Variants in BRAF observed in about 807,000 individuals in gnomAD.
BRAF encodes B-Raf proto-oncogene, serine/threonine kinase.
BRAF carries 16 observed loss-of-function variants against 104.6 expected under a neutral mutation model. The ratio of observed to expected loss-of-function variants is 0.15; its 90% confidence interval spans 0.10 to 0.23. BRAF has a LOEUF of 0.23. Ranked by LOEUF, BRAF falls within the 10% of genes least tolerant of loss-of-function variation. The pLI, the probability that BRAF is intolerant of heterozygous loss-of-function variation, is 1.00. For synonymous variants in BRAF, 310 were observed against 341.6 expected, an observed-to-expected ratio of 0.91 and a Z score of 1.02; for missense variants, 541 against 937.3, an observed-to-expected ratio of 0.58 and a Z score of 5.52.
At chr7:140,854,251 T>G (rs1169733185) in intron 1 of BRAF, among the ~76,000 whole-genome samples, 1 of 152,230 alleles carries the variant, frequency 6.6e-6, no homozygotes, top group African/African-American at 2.4e-5. Context: ...GTTTTCTAAG[T>G]CATAATTTGA....
At chr7:140,829,203 G>A (rs1428468170) in intron 3 of BRAF, among the ~76,000 whole-genome samples, 2 of 148,942 alleles carry the variant, frequency 1.3e-5, no homozygotes, top group African/African-American at 4.9e-5. Flanking sequence ...TTTTTGTGGG[G>A]GGGGGCATAC....
At chr7:140,736,276 C>T (rs1796421431) in intron 18 of BRAF, among the ~76,000 whole-genome samples, 1 of 150,892 alleles carries the variant, frequency 6.6e-6, no homozygotes, top group South Asian at 2.1e-4. Context: ...ACCATTTTGC[C>T]CAGGCTGGTC....
At chr7:140,871,112 C>A (rs536474385) in intron 1 of BRAF, among the ~76,000 whole-genome samples, 6 of 149,854 alleles carry the variant, frequency 4.0e-5, no homozygotes, top group Admixed American at 1.3e-4. Context: ...CATGGTGACA[C>A]GTGCCTGTAG....
At chr7:140,839,919 T>C (rs1807756163) in intron 2 of BRAF, among the ~76,000 whole-genome samples, 1 of 152,106 alleles carries the variant, frequency 6.6e-6, no homozygotes, top group Admixed American at 6.5e-5. Flanking sequence ...CTGCTAGAGT[T>C]TTCAGCCACC....
In BRAF at chr7:140,725,087, A is replaced by C. The variant is rs1795526675; in HGVS notation, c.*1407T>G. ...TTCTCTGTCTGGGAATTCAGCTGCC[A>C]AATTGCCCAACCTTTTGAAGACCAG... On this transcript the variant is annotated 3_prime_UTR_variant, in exon 20 of 20. Coordinates refer to ENST00000644969, the MANE Select transcript of BRAF (RefSeq NM_001374258.1). The C allele has an allele frequency of 9.6e-7, 1 of 1,045,106 alleles. No homozygotes were observed. 64.7% of individuals were successfully genotyped at this position (1,045,106 alleles called of 1,614,324 possible). A position where few individuals can be genotyped will look rare whatever the true frequency, so the allele number is the denominator to read the frequency against.
chr7:140,772,040 A>T (rs1799887654), intron 14 of BRAF, among the ~76,000 whole-genome samples: 1 of 152,190 alleles, frequency 6.6e-6, no homozygotes, highest in Non-Finnish European at 1.5e-5. Flanking sequence ...AGGAAAAATT[A>T]GGTATGTAAG....
At chr7:140,901,925 T>G (rs1815690400) in intron 1 of BRAF, among the ~76,000 whole-genome samples, 1 of 152,218 alleles carries the variant, frequency 6.6e-6, no homozygotes, top group African/African-American at 2.4e-5. Context: ...CATTTCTATA[T>G]CCCAGTGCCT....
chr7:140,901,894 C>A lies in BRAF; in HGVS notation c.138+22672G>T, dbSNP rs182376669. 3.3e-3 allele frequency among the ~76,000 whole-genome samples: 496 copies of A among 152,278 alleles called. 3 individuals carry two copies. Among genetic ancestry groups the A allele is most frequent in the Non-Finnish European group, 4.3e-3 (294 of 68,018 alleles). ...TACTTCTACCACTTAACTGTAAGCT[C>A]CTTGAAGACAAACTATCATTCATTT... On this transcript the variant is annotated intron_variant, in intron 1 of 19. Coordinates refer to ENST00000644969, the MANE Select transcript of BRAF (RefSeq NM_001374258.1).
intron 1 of BRAF, among the ~76,000 whole-genome samples, chr7:140,904,459 T>C (rs1195595442): frequency 6.6e-6 from 1 of 151,720 alleles, no homozygotes; most frequent in Non-Finnish European, 1.5e-5. Context: ...CAGGGAGGGG[T>C]GTCAAGAAAC....
intron 8 of BRAF, among the ~76,000 whole-genome samples, chr7:140,790,970 G>A (rs1470189706): frequency 2.0e-5 from 3 of 152,060 alleles, no homozygotes; most frequent in South Asian, 2.1e-4. Flanking sequence ...GCATGATGGC[G>A]GGAGCCTGTA....
chr7:140,908,159 CT>C lies in BRAF; in HGVS notation c.138+16406del, dbSNP rs1417478609. On this transcript the variant is annotated intron_variant, in intron 1 of 19. Coordinates refer to ENST00000644969, the MANE Select transcript of BRAF (RefSeq NM_001374258.1). ...TGCAACATTTGAAGATTTTATAGATCTGTTTCTGCTCTCTTCTTATTCACAG... is the reference window on the plus strand; with the variant it reads ...TGCAACATTTGAAGATTTTATAGATCGTTTCTGCTCTCTTCTTATTCACAG... Among the ~76,000 whole-genome samples, 22 of 152,108 alleles carry C rather than the reference CT, an allele frequency of 1.4e-4. 1 individual carries two copies. The highest frequency in any genetic ancestry group is 1.2e-3 in the Admixed American group (19 of 15,270).
At chr7:140,877,019 T>C (rs1178589402) in intron 1 of BRAF, among the ~76,000 whole-genome samples, 2 of 152,098 alleles carry the variant, frequency 1.3e-5, no homozygotes, top group African/African-American at 4.8e-5. Context: ...AAACAGCACA[T>C]TTCTAAATAA....
chr7:140,865,781 G>A (rs1810899253), intron 1 of BRAF, among the ~76,000 whole-genome samples: 1 of 152,176 alleles, frequency 6.6e-6, no homozygotes, highest in Admixed American at 6.5e-5. Flanking sequence ...GGCAGAAGGT[G>A]AGAAGTAGAA....
At chr7:140,739,755 G>T in intron 18 of BRAF, 57 bp downstream of exon 17, 1 of 1,605,180 alleles carries the variant, frequency 6.2e-7, no homozygotes, top group Non-Finnish European at 8.5e-7. Flanking sequence ...AAAGTGCTCA[G>T]AAATCTGTCT....
chr7:140,860,978 T>C (rs1810355457), intron 1 of BRAF, among the ~76,000 whole-genome samples: 2 of 152,172 alleles, frequency 1.3e-5, no homozygotes, highest in Non-Finnish European at 2.9e-5. Context: ...AAATACCACA[T>C]ATTAAGTCAA....
chr7:140,833,466 C>T (rs1280903720), intron 3 of BRAF, among the ~76,000 whole-genome samples: 3 of 152,130 alleles, frequency 2.0e-5, no homozygotes, highest in Non-Finnish European at 4.4e-5. Context: ...ACAGATAATT[C>T]ATATGTTGAT....
At chr7:140,909,212 G>T (rs2129137858) in intron 1 of BRAF, among the ~76,000 whole-genome samples, 1 of 152,074 alleles carries the variant, frequency 6.6e-6, no homozygotes, top group Non-Finnish European at 1.5e-5. Context: ...GATCACCTGA[G>T]GTCGGGAGTT....
chr7:140,762,959 G>T (rs1415161496), intron 14 of BRAF, among the ~76,000 whole-genome samples: 1 of 152,198 alleles, frequency 6.6e-6, no homozygotes, highest in Non-Finnish European at 1.5e-5. Flanking sequence ...CAAGGCAGAA[G>T]AATTTTTCTT....
intron 2 of BRAF, among the ~76,000 whole-genome samples, chr7:140,846,051 G>C (rs955605334): frequency 6.6e-6 from 1 of 152,012 alleles, no homozygotes; most frequent in Non-Finnish European, 1.5e-5. Flanking sequence ...AACCCCATGC[G>C]ATGCCAGTAG....
Sources: gnomAD v4.1 joint callset for allele counts (sites outside exome capture counted in the v4.1 genomes callset) on GRCh38, gnomAD v4.1.1 for gene constraint, MANE v1.5 for transcripts, NCBI Gene and HGNC (gene_info 2026-07-23, HGNC 2026-07-21) for gene names.